The following ANKFY1 variants were observed in gnomAD, a reference collection of about 807,000 sequenced individuals.
The protein encoded by ANKFY1 is ankyrin repeat and FYVE domain containing 1, also known as ankyrin repeat and FYVE domain-containing protein 1.
Under a neutral mutation model 128.3 loss-of-function variants are expected in ANKFY1, and 47 were observed. That is an observed-to-expected ratio of 0.37 (90% CI 0.29 to 0.47). ANKFY1 has a LOEUF of 0.47. Among genes scored for constraint, ANKFY1 ranks in the 20% least tolerant of loss-of-function variants. The pLI is 1.00. For missense variants in ANKFY1, 1,222 were observed against 1,510.6 expected, an observed-to-expected ratio of 0.81 and a Z score of 3.17; for synonymous variants, 553 against 601.6, an observed-to-expected ratio of 0.92 and a Z score of 1.18.
chr17:4,187,588 G>T (rs1052363273), intron 11 of ANKFY1: 33 of 284,502 alleles, frequency 1.2e-4, no homozygotes, highest in African/African-American at 6.9e-4. Flanking sequence ...GCTTGGGTTT[G>T]ACCTAGTTTT....
rs767312963 is a variant in ANKFY1, at chr17:4,207,969, G to A, written c.696C>T (p.Asp232=). Residue 232 remains aspartate, a synonymous_variant, in exon 6 of 25, where the codon GAC becomes GAT. Coordinates refer to ENST00000341657, the MANE Select transcript of ANKFY1 (RefSeq NM_001330063.2). ...TTTCAATCAGATACAGGAAGACCAC[G>A]TCTTCTCTCTCCACTTTGATGGCTT... ...LHKAIKVERE[D]VVFLYLIEMD... is the part of the protein sequence containing the mutation. 30 of 1,608,732 alleles carry A rather than the reference G, an allele frequency of 1.9e-5. No individual in the cohort carries two copies. Among genetic ancestry groups the A allele is most frequent in the Non-Finnish European group, 2.3e-5 (27 of 1,177,846 alleles).
At chr17:4,218,483 A>G (rs1372121871) in intron 3 of ANKFY1, among the ~76,000 whole-genome samples, 1 of 152,220 alleles carries the variant, frequency 6.6e-6, no homozygotes, top group African/African-American at 2.4e-5. Flanking sequence ...ACAGTGGCTC[A>G]CGCCTGTAAT....
chr17:4,174,444 G>A (rs2059378043), intron 19 of ANKFY1, among the ~76,000 whole-genome samples: 1 of 152,128 alleles, frequency 6.6e-6, no homozygotes, highest in African/African-American at 2.4e-5. Context: ...GGTACAAACA[G>A]TAGAGTAAGA....
At chr17:4,261,427 C>T (rs1968409315) in intron 1 of ANKFY1, among the ~76,000 whole-genome samples, 1 of 152,132 alleles carries the variant, frequency 6.6e-6, no homozygotes, top group African/African-American at 2.4e-5. Flanking sequence ...CTGTGGTGAG[C>T]CAAGATTGCG....
intron 10 of ANKFY1, among the ~76,000 whole-genome samples, chr17:4,189,900 T>A (rs920210181): frequency 3.3e-5 from 5 of 151,222 alleles, no homozygotes; most frequent in Non-Finnish European, 7.4e-5. Context: ...AGGTACTCTC[T>A]GTGTGTGGAC....
intron 1 of ANKFY1, among the ~76,000 whole-genome samples, chr17:4,254,087 C>T (rs1028433492): frequency 2.0e-5 from 3 of 152,048 alleles, no homozygotes; most frequent in African/African-American, 4.8e-5. Context: ...AGGCAGATCA[C>T]GAGGTCAGGA....
chr17:4,205,961 G>C (rs1275170642), intron 7 of ANKFY1, among the ~76,000 whole-genome samples: 1 of 152,210 alleles, frequency 6.6e-6, no homozygotes, highest in African/African-American at 2.4e-5. Flanking sequence ...TACTATCCTT[G>C]TATCTGTGGT....
intron 6 of ANKFY1, 141 bp downstream of exon 6, chr17:4,207,792 C>T: frequency 3.6e-6 from 3 of 822,020 alleles, no homozygotes; most frequent in Non-Finnish European, 5.2e-6. Flanking sequence ...GCTCAGATTG[C>T]CTTGAACAAA....
chr17:4,195,014 G>A lies in ANKFY1; in HGVS notation c.1336C>T (p.Arg446Cys), dbSNP rs550852978. The change falls in exon 10 of 25, where the codon CGC becomes TGC. Residue 446 changes from arginine (R) to cysteine (C), a missense_variant. Physicochemically the swap from Arg to Cys is radical, Grantham distance 180 (BLOSUM62 -3). Transcript: ENST00000341657. Reference sequence around the variant, plus strand: ...TCAGGTGCGTCTGTGTGGCTGCCGCGCTGGATGAGTCTGGCTGCAAAGCTG... The same window carrying A: ...TCAGGTGCGTCTGTGTGGCTGCCGCACTGGATGAGTCTGGCTGCAAAGCTG... ...ENSFAARLIQRGSHTDAPDTA... is the reference protein window; with the variant it reads ...ENSFAARLIQCGSHTDAPDTA... 77 of 1,614,158 alleles carry A rather than the reference G, an allele frequency of 4.8e-5. No individual in the cohort carries two copies. The East Asian group carries it at 7.4e-4, about 15-fold the overall frequency.
chr17:4,211,932 T>C (rs1454447283), intron 4 of ANKFY1, among the ~76,000 whole-genome samples: 1 of 150,568 alleles, frequency 6.6e-6, no homozygotes, highest in East Asian at 1.9e-4. Context: ...ACAAAAAACA[T>C]CAACTACATC....
At chr17:4,171,858 G>A (rs1176126898) in intron 22 of ANKFY1, among the ~76,000 whole-genome samples, 1 of 152,230 alleles carries the variant, frequency 6.6e-6, no homozygotes, top group Non-Finnish European at 1.5e-5. Context: ...GACCACAGAG[G>A]TGAGTGAATG....
intron 6 of ANKFY1, 54 bp from the exon 7 acceptor site, chr17:4,206,540 T>C (rs2060028814): frequency 1.3e-6 from 2 of 1,532,142 alleles, no homozygotes; most frequent in East Asian, 2.3e-5. Context: ...TACGACCTAT[T>C]TTAATTTCTC....
intron 19 of ANKFY1, among the ~76,000 whole-genome samples, chr17:4,175,550 C>G (rs1437363837): frequency 6.6e-6 from 1 of 152,092 alleles, no homozygotes; most frequent in African/African-American, 2.4e-5. Flanking sequence ...GTATGGCCAC[C>G]CCTGGTTCCT....
At chr17:4,254,904 C>G (rs1968035031) in intron 1 of ANKFY1, among the ~76,000 whole-genome samples, 1 of 152,108 alleles carries the variant, frequency 6.6e-6, no homozygotes, top group Non-Finnish European at 1.5e-5. Context: ...AACAGTGAAA[C>G]TCACTTAAGT....
chr17:4,165,794 A>G lies in ANKFY1; in HGVS notation c.*1985T>C, dbSNP rs1253938838. 1.3e-5 allele frequency: 2 copies of G among 152,242 alleles called. No individual in the cohort carries two copies. Among genetic ancestry groups the G allele is most frequent in the African/African-American group, 4.8e-5 (2 of 41,460 alleles). The allele number at this position is 152,242 out of a possible 1,614,324, so 9.4% of individuals were successfully genotyped here. A position where few individuals can be genotyped will look rare whatever the true frequency, so the allele number is the denominator to read the frequency against. ...GGTATGGTAGGGCATGGGCAGAACAATCGGCCTCACCCTTGACTCATCTCC... is the reference window on the plus strand; with the variant it reads ...GGTATGGTAGGGCATGGGCAGAACAGTCGGCCTCACCCTTGACTCATCTCC... On this transcript the variant is annotated 3_prime_UTR_variant, in exon 25 of 25. Transcript: ENST00000341657.
Position 4,173,407 on chromosome 17 carries a change from G to A in ANKFY1, c.2961C>T (p.Asn987=), listed in dbSNP as rs2059358180. 6.2e-7 allele frequency: 1 copy of A among 1,614,222 alleles called. No individual in the cohort carries two copies. The highest frequency in any genetic ancestry group is 8.5e-7 in the Non-Finnish European group (1 of 1,180,024). The change falls in exon 21 of 25, where the codon AAC becomes AAT. Residue 987 remains asparagine, a synonymous_variant. Transcript: ENST00000341657. ...TGCACTCTGTCAGGAGAACCCGGATGTTGTTGAGCCGGCCGTGCATGACAG... is the reference window on the plus strand; with the variant it reads ...TGCACTCTGTCAGGAGAACCCGGATATTGTTGAGCCGGCCGTGCATGACAG... ...HLAVMHGRLN[N]IRVLLTECTV...
At chr17:4,251,435 A>G (rs2325978) in intron 1 of ANKFY1, among the ~76,000 whole-genome samples, 56,373 of 151,698 alleles carry the variant, frequency 0.37, 10,585 homozygotes, top group Admixed American at 0.41. Flanking sequence ...GGGAAACCCC[A>G]TCTTCCTGTC....
chr17:4,201,260 G>A (rs1000906580), intron 7 of ANKFY1, among the ~76,000 whole-genome samples: 1 of 152,168 alleles, frequency 6.6e-6, no homozygotes, highest in African/African-American at 2.4e-5. Context: ...TCAAACTCCT[G>A]GCCTCAAGTG....
At chr17:4,209,768 G>A (rs976815807) in intron 5 of ANKFY1, 56 bp downstream of exon 5, 16 of 1,549,048 alleles carry the variant, frequency 1.0e-5, no homozygotes, top group African/African-American at 4.1e-5. Context: ...CGTCCCCAGC[G>A]GCGGTCTCCT....
Sources: gnomAD v4.1 joint callset for allele counts (sites outside exome capture counted in the v4.1 genomes callset) on GRCh38, gnomAD v4.1.1 for gene constraint, MANE v1.5 for transcripts, NCBI Gene and HGNC (gene_info 2026-07-23, HGNC 2026-07-21) for gene names.